The following CABP1 variants were observed in gnomAD, a reference collection of about 807,000 sequenced individuals.
CABP1 encodes calcium-binding protein 1.
In CABP1, 17 loss-of-function variants were observed where a neutral mutation model predicts 34.3. That is an observed-to-expected ratio of 0.50 (90% CI 0.34 to 0.74). The LOEUF (loss-of-function observed/expected upper bound fraction) is 0.74. CABP1 is among the 30% of genes least tolerant of loss of function. The probability of loss-of-function intolerance (pLI) is 0.01; values close to 1 mark genes in which losing one functional copy is unlikely to be tolerated. For missense variants in CABP1, 373 were observed against 511.1 expected (o/e 0.73, Z 2.61); for synonymous variants, 198 against 229.2 (o/e 0.86, Z 1.23).
chr12:120,666,880 G>A lies in CABP1; in HGVS notation c.1093G>A (p.Val365Ile). 6.2e-7 allele frequency: 1 copy of A among 1,606,676 alleles called. No individual in the cohort carries two copies. The highest frequency in any genetic ancestry group is 8.5e-7 in the Non-Finnish European group (1 of 1,178,838). ...GDGRVDFEEF[V>I]RMMSR Reference sequence around the variant, plus strand: ...CTGCTCCTCTACCCTTCTAGAGTTTGTCCGGATGATGTCCCGCTGAGGCCG... The same window carrying A: ...CTGCTCCTCTACCCTTCTAGAGTTTATCCGGATGATGTCCCGCTGAGGCCG... Residue 365 changes from valine to isoleucine, a missense_variant, in exon 6 of 6, where the codon GTC (valine) becomes ATC (isoleucine). By Grantham distance (29) the Val-to-Ile change is conservative (BLOSUM62 3). This residue lies in a region of CABP1 where 109 missense variants were observed against 204.8 expected (regional missense o/e 0.53). Transcript: ENST00000316803.
chr12:120,672,692 T>C, the CABP1 span, among the ~76,000 whole-genome samples: 1 of 141,476 alleles, frequency 7.1e-6, no homozygotes, highest in Admixed American at 7.2e-5. Flanking sequence ...TGATAGTATG[T>C]AGGGATGTGC....
chr12:120,657,508 C>T (rs1190969221), intron 1 of CABP1, among the ~76,000 whole-genome samples: 6 of 152,128 alleles, frequency 3.9e-5, no homozygotes, highest in Admixed American at 1.3e-4. Context: ...AGTCCAAGTG[C>T]GTCTCCCCAG....
chr12:120,654,124 G>A (rs967685983), intron 1 of CABP1, among the ~76,000 whole-genome samples: 6 of 152,128 alleles, frequency 3.9e-5, no homozygotes, highest in African/African-American at 1.2e-4. Flanking sequence ...CAACTCTTTG[G>A]GATATCAAAC....
rs555049377 is a variant in CABP1 at position 120,655,425 on chromosome 12, AG to A, written c.655-4452del. The A allele has an allele frequency of 5.4e-4, 269 of 501,180 alleles. 1 individual carries two copies. Among genetic ancestry groups the A allele is most frequent in the African/African-American group, 4.9e-3 (242 of 49,500 alleles). 31.0% of individuals were successfully genotyped at this position (501,180 alleles called of 1,614,324 possible). On this transcript the variant is annotated intron_variant, in intron 1 of 5. Coordinates refer to ENST00000316803, the MANE Select transcript of CABP1 (RefSeq NM_001033677.2). ...TCCAGCCTGGGCGACAGAGTGCACT[AG>A]CCACACACGAAAAAGGAGGGGGCAT...
chr12:120,655,793 G>A, intron 1 of CABP1: 1 of 1,504,190 alleles, frequency 6.6e-7, no homozygotes, highest in South Asian at 1.2e-5. Context: ...ACTTGGGTGT[G>A]TGATTCTGTG....
At chr12:120,643,272 G>A (rs948412924) in intron 1 of CABP1, among the ~76,000 whole-genome samples, 4 of 152,252 alleles carry the variant, frequency 2.6e-5, no homozygotes, top group Non-Finnish European at 2.9e-5. Context: ...CATTCAGTTT[G>A]GGCTTCCATC....
Position 120,640,946 on chromosome 12 carries a change from C to A in CABP1, c.261C>A (p.Arg87=). ...AAASGGSRAP[R]HGPARDPGLP... ...CGAGCGGGGGCAGCCGGGCTCCCCG[C>A]CACGGCCCTGCCCGGGACCCGGGGC... The change falls in exon 1 of 6, where the codon CGC becomes CGA. Residue 87 remains arginine, a synonymous_variant. Transcript: ENST00000316803. This position sits in a 1 kb window ranked among gnomAD's most constrained non-coding sequence, Gnocchi z 6.2. 1 of 1,134,906 alleles carries A rather than the reference C, an allele frequency of 8.8e-7. No homozygotes were observed. Among genetic ancestry groups the A allele is most frequent in the Non-Finnish European group, 1.1e-6 (1 of 926,476 alleles). 70.3% of individuals were successfully genotyped at this position (1,134,906 alleles called of 1,614,324 possible).
the CABP1 span, among the ~76,000 whole-genome samples, chr12:120,680,739 C>A: frequency 2.6e-5 from 4 of 152,062 alleles, no homozygotes; most frequent in African/African-American, 9.7e-5. Flanking sequence ...TGGGTCAGTG[C>A]TTTTGGATAT....
the CABP1 span, among the ~76,000 whole-genome samples, chr12:120,677,180 C>T: frequency 2.0e-5 from 3 of 150,086 alleles, no homozygotes; most frequent in East Asian, 2.0e-4. Context: ...CTCCGCCTCC[C>T]GGGCTCAAGC....
chr12:120,646,112 G>A (rs1001981250), intron 1 of CABP1, among the ~76,000 whole-genome samples: 12 of 152,168 alleles, frequency 7.9e-5, no homozygotes, highest in Non-Finnish European at 1.5e-4. Context: ...GCCTGCCTCC[G>A]AAAATACCTG....
chr12:120,650,598 A>G (rs763362314), intron 1 of CABP1: 2 of 1,613,602 alleles, frequency 1.2e-6, no homozygotes, highest in East Asian at 2.2e-5. Flanking sequence ...AGCCTCCTTC[A>G]TGGACCCGGG....
At chr12:120,652,310 T>TA (rs1235583004) in intron 1 of CABP1, among the ~76,000 whole-genome samples, 5 of 151,356 alleles carry the variant, frequency 3.3e-5, no homozygotes, top group East Asian at 3.8e-4. Flanking sequence ...GAGTAAAAGA[T>TA]AAAAAAACTT....
intron 1 of CABP1, among the ~76,000 whole-genome samples, chr12:120,646,974 C>T (rs981218571): frequency 6.6e-6 from 1 of 152,206 alleles, no homozygotes; most frequent in Non-Finnish European, 1.5e-5. Context: ...GCACCTGCCC[C>T]CAAAGCAGGA....
At chr12:120,655,565 A>G (rs1195875466) in intron 1 of CABP1, 1 of 1,251,370 alleles carries the variant, frequency 8.0e-7, no homozygotes, top group Non-Finnish European at 1.0e-6. Context: ...CCTGGTCTCC[A>G]TGCTGCCAGC....
chr12:120,666,972 C>T lies in CABP1; in HGVS notation c.*72C>T. The T allele has an allele frequency of 6.5e-7, 1 of 1,527,716 alleles. No homozygotes were observed. Among genetic ancestry groups the T allele is most frequent in the Non-Finnish European group, 8.8e-7 (1 of 1,134,114 alleles). The allele number at this position is 1,527,716 out of a possible 1,614,324, so 94.6% of individuals were successfully genotyped here. On this transcript the variant is annotated 3_prime_UTR_variant, in exon 6 of 6. Coordinates refer to ENST00000316803, the MANE Select transcript of CABP1 (RefSeq NM_001033677.2). ...TAAGAGGAGCTAGAGCTTGCCTCACCCGCTGTAGCCGCCGAGAGCCCAGGA... is the reference window on the plus strand; with the variant it reads ...TAAGAGGAGCTAGAGCTTGCCTCACTCGCTGTAGCCGCCGAGAGCCCAGGA...
chr12:120,661,063 T>G lies in CABP1; in HGVS notation c.940-8T>G, dbSNP rs375745402. The G allele has an allele frequency of 5.0e-6, 8 of 1,610,576 alleles. No individual in the cohort carries two copies. The highest frequency in any genetic ancestry group is 1.7e-5 in the Admixed American group (1 of 59,142). Reference sequence around the variant, plus strand: ...GGGCGACCTCTCCTTCCTTCCTGCCTTCTCTAGTTTGACACCAATGGTGAT... The same window carrying G: ...GGGCGACCTCTCCTTCCTTCCTGCCGTCTCTAGTTTGACACCAATGGTGAT... On this transcript the variant is annotated splice_polypyrimidine_tract_variant and splice_region_variant and intron_variant, in intron 4 of 5. Coordinates refer to ENST00000316803, the MANE Select transcript of CABP1 (RefSeq NM_001033677.2). This position sits in a 1 kb window ranked among gnomAD's most constrained non-coding sequence, Gnocchi z 5.1.
At chr12:120,643,764 T>G (rs1879438971) in intron 1 of CABP1, among the ~76,000 whole-genome samples, 1 of 152,206 alleles carries the variant, frequency 6.6e-6, no homozygotes, top group African/African-American at 2.4e-5. Flanking sequence ...GTAGGGATCA[T>G]CAGGGTGCTT....
chr12:120,650,453 G>A, intron 1 of CABP1: 1 of 1,430,686 alleles, frequency 7.0e-7, no homozygotes, highest in South Asian at 1.5e-5. Context: ...AAAAATCGGA[G>A]AGCAGGAGCA....
At chr12:120,655,885 T>C (rs1424568561) in intron 1 of CABP1, 2 of 1,536,138 alleles carry the variant, frequency 1.3e-6, no homozygotes, top group Admixed American at 2.0e-5. Flanking sequence ...CACATTCAGC[T>C]CTCCCCGGAA....
Sources: gnomAD v4.1 joint callset for allele counts (sites outside exome capture counted in the v4.1 genomes callset) on GRCh38, gnomAD v4.1.1 for gene constraint, gnomAD v4.1.1 regional missense constraint, Gnocchi (gnomAD v3.1) non-coding constraint, MANE v1.5 for transcripts, NCBI Gene and HGNC (gene_info 2026-07-23, HGNC 2026-07-21) for gene names.